The following PTPRG variants were observed in gnomAD, a reference collection of about 807,000 sequenced individuals.
PTPRG encodes protein tyrosine phosphatase receptor type G.
In PTPRG, 102 loss-of-function variants were observed where a neutral mutation model predicts 165.3. The ratio of observed to expected loss-of-function variants is 0.62; its 90% CI spans 0.53 to 0.73. The LOEUF (loss-of-function observed/expected upper bound fraction) is 0.73, where lower values mean the gene tolerates loss of function less well. Ranked by LOEUF, PTPRG falls within the 30% of genes least tolerant of loss-of-function variation. The pLI, the probability that PTPRG is intolerant of heterozygous loss-of-function variation, is 0.00. For missense variants in PTPRG, 1,866 were observed against 1,861.4 expected (o/e 1.00, Z -0.05); for synonymous variants, 675 against 669.5 (o/e 1.01, Z -0.13).
At chr3:61,573,549 T>G (rs939166644) in intron 1 of PTPRG, among the ~76,000 whole-genome samples, 9 of 152,236 alleles carry the variant, frequency 5.9e-5, no homozygotes, top group African/African-American at 1.9e-4. Flanking sequence ...TAGTACATGT[T>G]CATTAAGTGG....
intron 2 of PTPRG, among the ~76,000 whole-genome samples, chr3:61,836,373 G>A (rs1359602825): frequency 6.6e-6 from 1 of 152,158 alleles, no homozygotes; most frequent in Non-Finnish European, 1.5e-5. Flanking sequence ...TTGAAGTAAT[G>A]CAGTTTAAAG....
intron 2 of PTPRG, among the ~76,000 whole-genome samples, chr3:61,954,060 T>C (rs920524234): frequency 4.6e-5 from 7 of 152,184 alleles, no homozygotes; most frequent in African/African-American, 1.7e-4. Flanking sequence ...CTCATTGGTC[T>C]TCCAGTTTGT....
chr3:61,887,170 A>ATTTTT (rs869308871), intron 2 of PTPRG, among the ~76,000 whole-genome samples: 1 of 115,524 alleles, frequency 8.7e-6, no homozygotes, highest in African/African-American at 3.3e-5. Flanking sequence ...ATATATATAT[A>ATTTTT]TTTTTAATGC....
At chr3:62,238,730 AC>A (rs1701087633) in intron 14 of PTPRG, among the ~76,000 whole-genome samples, 1 of 152,178 alleles carries the variant, frequency 6.6e-6, no homozygotes, top group South Asian at 2.1e-4. Flanking sequence ...AGAGCTATGC[AC>A]TGCTTGTTAA....
intron 4 of PTPRG, among the ~76,000 whole-genome samples, chr3:62,076,102 G>A (rs572911472): frequency 2.1e-4 from 32 of 152,054 alleles, no homozygotes; most frequent in East Asian, 5.8e-4. Context: ...ATAGTGAGAC[G>A]CTGCCTCTAA....
intron 2 of PTPRG, among the ~76,000 whole-genome samples, chr3:61,792,102 C>A (rs947761854): frequency 6.6e-6 from 1 of 151,732 alleles, no homozygotes; most frequent in Non-Finnish European, 1.5e-5. Flanking sequence ...TAGGGGAGCA[C>A]GGAAGATGAG....
At chr3:61,944,239 G>A (rs937739901) in intron 2 of PTPRG, among the ~76,000 whole-genome samples, 1 of 152,180 alleles carries the variant, frequency 6.6e-6, no homozygotes, top group African/African-American at 2.4e-5. Context: ...TTGCCCAGAT[G>A]TTCATTGGTG....
rs554391142 is a variant in PTPRG, at chr3:61,760,596, T to C, written c.190+11614T>C. ...TGTATTATACTCTGCAACCCATTCC[T>C]TTGTTTTTTTACATTTTATTTTAAG... On this transcript the variant is annotated intron_variant, in intron 2 of 29. Coordinates refer to ENST00000474889, the MANE Select transcript of PTPRG (RefSeq NM_002841.4). Among the ~76,000 whole-genome samples the C allele has an allele frequency of 2.6e-5, 4 of 152,316 alleles. No homozygotes were observed. In the East Asian group the frequency reaches 7.7e-4, roughly 29 times the overall value.
At chr3:61,998,469 T>C (rs1457358509) in intron 3 of PTPRG, among the ~76,000 whole-genome samples, 1 of 152,230 alleles carries the variant, frequency 6.6e-6, no homozygotes, top group African/African-American at 2.4e-5. Context: ...AGCTGCTATC[T>C]TATTCCAATT....
Position 61,792,259 on chromosome 3 carries a change from G to A in PTPRG, c.190+43277G>A, listed in dbSNP as rs561398370. Among the ~76,000 whole-genome samples, 8 of 152,160 alleles carry A rather than the reference G, an allele frequency of 5.3e-5. No homozygotes were observed. The South Asian group carries it at 6.2e-4, about 12-fold the overall frequency. On this transcript the variant is annotated intron_variant, in intron 2 of 29. Coordinates refer to ENST00000474889, the MANE Select transcript of PTPRG (RefSeq NM_002841.4). ...TTCTGTCACCCAGGCTGAGTGCAGTGGTGCCATCACAACTCACTGCAGCCT... is the reference window on the plus strand; with the variant it reads ...TTCTGTCACCCAGGCTGAGTGCAGTAGTGCCATCACAACTCACTGCAGCCT...
intron 2 of PTPRG, among the ~76,000 whole-genome samples, chr3:61,987,298 T>A (rs907950245): frequency 3.3e-5 from 5 of 152,208 alleles, no homozygotes; most frequent in African/African-American, 1.2e-4. Flanking sequence ...AAGCATGTAG[T>A]TGGCTTAAAG....
At chr3:61,719,529 G>T (rs138448137) in intron 1 of PTPRG, among the ~76,000 whole-genome samples, 2 of 152,184 alleles carry the variant, frequency 1.3e-5, no homozygotes, top group Non-Finnish European at 2.9e-5. Context: ...TGGTGTCTTT[G>T]TCAGCAGGCT....
chr3:62,291,050 G>A (rs942615872), intron 28 of PTPRG, among the ~76,000 whole-genome samples: 1 of 152,034 alleles, frequency 6.6e-6, no homozygotes, highest in Non-Finnish European at 1.5e-5. Flanking sequence ...TTTGGAAGAG[G>A]CAAACTTAGT....
intron 1 of PTPRG, among the ~76,000 whole-genome samples, chr3:61,598,206 A>T (rs530819871): frequency 6.6e-6 from 1 of 152,312 alleles, no homozygotes; most frequent in Admixed American, 6.5e-5. Flanking sequence ...GTAGAGCAAA[A>T]CAAGGAATCG....
At chr3:61,886,743 A>G (rs2038048340) in intron 2 of PTPRG, among the ~76,000 whole-genome samples, 1 of 151,978 alleles carries the variant, frequency 6.6e-6, no homozygotes, top group African/African-American at 2.4e-5. Flanking sequence ...TAGCTTTTCC[A>G]TTTTCTGTTT....
At chr3:61,767,971 C>CAAAAA (rs35466366) in intron 2 of PTPRG, among the ~76,000 whole-genome samples, 1 of 104,180 alleles carries the variant, frequency 9.6e-6, no homozygotes. Context: ...GACCCTGTCT[C>CAAAAA]AAAAAAAAAA....
chr3:62,126,612 A>G (rs1703300843), intron 5 of PTPRG, among the ~76,000 whole-genome samples: 1 of 152,214 alleles, frequency 6.6e-6, no homozygotes. Context: ...TGCTTCAGTC[A>G]GGGGCACTTC....
chr3:61,713,023 C>T (rs74682731), intron 1 of PTPRG, among the ~76,000 whole-genome samples: 2,265 of 152,236 alleles, frequency 0.015, 64 homozygotes, highest in African/African-American at 0.048. Flanking sequence ...TCTGGCATCC[C>T]AAGTACCCCC....
At chr3:61,629,492 AAG>A (rs1701708228) in intron 1 of PTPRG, among the ~76,000 whole-genome samples, 1 of 152,130 alleles carries the variant, frequency 6.6e-6, no homozygotes, top group African/African-American at 2.4e-5. Flanking sequence ...TTCTGGGTAA[AAG>A]AGGGTCCTAG....
Sources: gnomAD v4.1 joint callset for allele counts (sites outside exome capture counted in the v4.1 genomes callset) on GRCh38, gnomAD v4.1.1 for gene constraint, MANE v1.5 for transcripts, NCBI Gene and HGNC (gene_info 2026-07-23, HGNC 2026-07-21) for gene names.